TNS3: variants seen among roughly 807,000 people sequenced by gnomAD.
The protein encoded by TNS3 is tensin-3.
Under a neutral mutation model 140.9 loss-of-function variants are expected in TNS3, and 45 were observed. The ratio of observed to expected loss-of-function variants is 0.32; its 90% CI spans 0.25 to 0.41. The LOEUF (loss-of-function observed/expected upper bound fraction) is 0.41. Among genes scored for constraint, TNS3 ranks in the 10% least tolerant of loss-of-function variants. The probability of loss-of-function intolerance (pLI) is 1.00; values close to 1 mark genes in which losing one functional copy is unlikely to be tolerated. For missense variants in TNS3, 1,716 were observed against 1,906.7 expected (o/e 0.90, Z 1.86); for synonymous variants, 815 against 788.4 (o/e 1.03, Z -0.56).
chr7:47,450,811 T>C (rs1183851516), intron 4 of TNS3, among the ~76,000 whole-genome samples: 1 of 152,214 alleles, frequency 6.6e-6, no homozygotes, highest in Non-Finnish European at 1.5e-5. Flanking sequence ...TGCCTCTCCT[T>C]GTCCTCACTG....
chr7:47,577,017 C>T (rs994851480), intron 1 of TNS3, among the ~76,000 whole-genome samples: 5 of 152,218 alleles, frequency 3.3e-5, no homozygotes, highest in Non-Finnish European at 5.9e-5. Context: ...TTTTCAGGAG[C>T]AGTTTCATAA....
rs746322292 is a variant in TNS3 at position 47,346,331 on chromosome 7, G to T, written c.2307C>A (p.Gly769=). ...CCAGGCTCAGCTTCCTGAGTCTCCCGCCCAGGGGCTGTTCAGCAGAGGAGC... is the reference window on the plus strand; with the variant it reads ...CCAGGCTCAGCTTCCTGAGTCTCCCTCCCAGGGGCTGTTCAGCAGAGGAGC... ...RQGSSAEQPL[G]GRLRKLSLGQ... The change falls in exon 18 of 31, where the codon GGC becomes GGA. Residue 769 remains glycine, a synonymous_variant. Transcript: ENST00000311160. 3.7e-6 allele frequency: 6 copies of T among 1,614,150 alleles called. No homozygotes were observed. The East Asian group carries it at 1.3e-4, about 36-fold the overall frequency.
chr7:47,567,971 G>A (rs1234845521), intron 1 of TNS3, among the ~76,000 whole-genome samples: 3 of 152,048 alleles, frequency 2.0e-5, no homozygotes, highest in Non-Finnish European at 4.4e-5. Flanking sequence ...TCGGGCATCC[G>A]GCTGATTCTC....
chr7:47,453,149 C>G, intron 4 of TNS3: 1 of 985,692 alleles, frequency 1.0e-6, no homozygotes, highest in South Asian at 4.7e-5. Flanking sequence ...CCAGGAGCAG[C>G]TGGCAGGTGT....
intron 17 of TNS3, among the ~76,000 whole-genome samples, chr7:47,363,960 C>T (rs1201074019): frequency 2.0e-5 from 3 of 152,044 alleles, no homozygotes; most frequent in South Asian, 2.1e-4. Context: ...GCTGAGGAGA[C>T]GGATATGGAT....
intron 13 of TNS3, among the ~76,000 whole-genome samples, chr7:47,406,688 T>C (rs771301718): frequency 3.9e-5 from 6 of 152,326 alleles, no homozygotes; most frequent in Middle Eastern, 6.8e-3. Context: ...TGTAAATCTA[T>C]GCACATGCTT....
intron 4 of TNS3, among the ~76,000 whole-genome samples, chr7:47,473,906 T>C (rs1797057319): frequency 6.6e-6 from 1 of 152,152 alleles, no homozygotes; most frequent in Non-Finnish European, 1.5e-5. Context: ...CTCCTCATCA[T>C]CCATTTGGTC....
intron 16 of TNS3, among the ~76,000 whole-genome samples, chr7:47,372,819 T>C (rs1400355555): frequency 6.6e-6 from 1 of 152,208 alleles, no homozygotes; most frequent in Non-Finnish European, 1.5e-5. Flanking sequence ...GGACTCTTGC[T>C]AAACTTCCTG....
chr7:47,367,206 C>T (rs969073800), intron 17 of TNS3, among the ~76,000 whole-genome samples: 1 of 152,192 alleles, frequency 6.6e-6, no homozygotes, highest in Non-Finnish European at 1.5e-5. Flanking sequence ...CCTCTCCTGG[C>T]GTGCACCTCT....
intron 9 of TNS3, among the ~76,000 whole-genome samples, chr7:47,427,280 T>G (rs1440908418): frequency 6.6e-6 from 1 of 152,134 alleles, no homozygotes; most frequent in African/African-American, 2.4e-5. Flanking sequence ...CACCGATGAT[T>G]ATTCTCACCA....
At chr7:47,559,077 C>T (rs182993318) in intron 1 of TNS3, among the ~76,000 whole-genome samples, 3 of 152,214 alleles carry the variant, frequency 2.0e-5, no homozygotes, top group African/African-American at 4.8e-5. Flanking sequence ...ACAGGCAGGT[C>T]GTGGTGGTTC....
intron 5 of TNS3, among the ~76,000 whole-genome samples, chr7:47,440,134 C>T (rs1020661390): frequency 2.6e-5 from 4 of 152,066 alleles, no homozygotes; most frequent in Non-Finnish European, 4.4e-5. Flanking sequence ...AGAAGCCAAA[C>T]ATCAGCAAGC....
At chr7:47,299,905 C>T (rs971645497) in intron 23 of TNS3, among the ~76,000 whole-genome samples, 3 of 152,332 alleles carry the variant, frequency 2.0e-5, no homozygotes, top group Middle Eastern at 3.4e-3. Context: ...TGAGTCTCCT[C>T]GCACCTTCTC....
chr7:47,282,319 C>A (rs1174294298), intron 28 of TNS3, among the ~76,000 whole-genome samples: 1 of 151,870 alleles, frequency 6.6e-6, no homozygotes, highest in African/African-American at 2.4e-5. Flanking sequence ...TGCAGATGAG[C>A]CATGCCCCGA....
rs1554297219 is a variant in TNS3 at position 47,340,115 on chromosome 7, A to ATATATATAT, written c.2650+4639_2650+4640insATATATATA. On this transcript the variant is annotated intron_variant, in intron 20 of 30. Coordinates refer to ENST00000311160, the MANE Select transcript of TNS3 (RefSeq NM_022748.12). ...TACATATATATATATATATATATATATTTTTTTTTTTTTTTTTTTTTTTTT... is the reference window on the plus strand; with the variant it reads ...TACATATATATATATATATATATATATATATATATTTTTTTTTTTTTTTTTTTTTTTTTT... Among the ~76,000 whole-genome samples the ATATATATAT allele has an allele frequency of 1.7e-3, 50 of 28,586 alleles. 2 individuals are homozygous for ATATATATAT. Among genetic ancestry groups the ATATATATAT allele is most frequent in the Non-Finnish European group, 2.5e-3 (37 of 14,662 alleles). 18.8% of individuals were successfully genotyped at this position (28,586 alleles called of 152,430 possible). A position where few individuals can be genotyped will look rare whatever the true frequency, so the allele number is the denominator to read the frequency against.
chr7:47,385,483 C>T (rs886662085), intron 16 of TNS3, among the ~76,000 whole-genome samples: 1 of 152,054 alleles, frequency 6.6e-6, no homozygotes, highest in African/African-American at 2.4e-5. Flanking sequence ...CCAGCACTGC[C>T]GATGCTCAGA....
At chr7:47,309,362 T>C (rs1786946067) in intron 20 of TNS3, among the ~76,000 whole-genome samples, 1 of 151,694 alleles carries the variant, frequency 6.6e-6, no homozygotes, top group Admixed American at 6.6e-5. Flanking sequence ...TAAATTAATA[T>C]CCCCAAGACT....
chr7:47,467,122 C>T (rs1233722590), intron 4 of TNS3, among the ~76,000 whole-genome samples: 1 of 152,196 alleles, frequency 6.6e-6, no homozygotes, highest in African/African-American at 2.4e-5. Flanking sequence ...AACCTGGATG[C>T]AAGCACAGCC....
At chr7:47,334,114 CCT>C (rs1788487417) in intron 20 of TNS3, among the ~76,000 whole-genome samples, 2 of 152,124 alleles carry the variant, frequency 1.3e-5, no homozygotes, top group African/African-American at 4.8e-5. Flanking sequence ...CAACCAAACC[CCT>C]GTGTCCCCTC....
Sources: gnomAD v4.1 joint callset for allele counts (sites outside exome capture counted in the v4.1 genomes callset) on GRCh38, gnomAD v4.1.1 for gene constraint, MANE v1.5 for transcripts, NCBI Gene and HGNC (gene_info 2026-07-23, HGNC 2026-07-21) for gene names.